Variants in ARB2A observed in about 807,000 individuals in gnomAD.
ARB2A encodes the protein cotranscriptional regulator ARB2A.
chr5:93,977,884 A>G, the ARB2A span, among the ~76,000 whole-genome samples: 4 of 152,200 alleles, frequency 2.6e-5, no homozygotes, highest in Admixed American at 6.5e-5. Flanking sequence ...AAGGATTAAT[A>G]TCTAGAATCT....
At chr5:93,806,260 T>C in the ARB2A span, among the ~76,000 whole-genome samples, 2 of 151,964 alleles carry the variant, frequency 1.3e-5, no homozygotes, top group Admixed American at 6.6e-5. Flanking sequence ...CTTAATACTT[T>C]TATATGCCTT....
chr5:93,775,714 T>C, the ARB2A span, among the ~76,000 whole-genome samples: 1 of 152,066 alleles, frequency 6.6e-6, no homozygotes, highest in African/African-American at 2.4e-5. Flanking sequence ...CCAGAGTCTA[T>C]CTAACACAAG....
chr5:93,760,674 G>T, the ARB2A span, among the ~76,000 whole-genome samples: 7 of 152,168 alleles, frequency 4.6e-5, no homozygotes, highest in African/African-American at 1.7e-4. Flanking sequence ...TTCAACAAAT[G>T]GTGCTGGGAT....
the ARB2A span, among the ~76,000 whole-genome samples, chr5:94,045,937 AAAG>A: frequency 1.3e-5 from 2 of 152,328 alleles, no homozygotes; most frequent in Admixed American, 1.3e-4. Flanking sequence ...AATGGGAAGA[AAAG>A]AAATCAGGAG....
the ARB2A span, among the ~76,000 whole-genome samples, chr5:93,717,857 C>T: frequency 2.9e-5 from 4 of 138,940 alleles, no homozygotes; most frequent in South Asian, 4.6e-4. Flanking sequence ...TTTTTTGAGA[C>T]GGAGTCTCGC....
At chr5:93,678,904 T>G in the ARB2A span, among the ~76,000 whole-genome samples, 1 of 152,124 alleles carries the variant, frequency 6.6e-6, no homozygotes, top group Non-Finnish European at 1.5e-5. Flanking sequence ...GAGGATTGTG[T>G]GTTGGTTTTC....
chr5:93,857,031 G>A, the ARB2A span, among the ~76,000 whole-genome samples: 2 of 152,214 alleles, frequency 1.3e-5, no homozygotes, highest in African/African-American at 4.8e-5. Context: ...GTCTGTTGGA[G>A]TTTGCTAGAG....
chr5:93,756,230 A>G, the ARB2A span, among the ~76,000 whole-genome samples: 1 of 152,208 alleles, frequency 6.6e-6, no homozygotes, highest in Non-Finnish European at 1.5e-5. Context: ...GACTTGTCCA[A>G]GGAGAGTCTG....
At chr5:93,725,484 A>T in the ARB2A span, among the ~76,000 whole-genome samples, 1 of 152,216 alleles carries the variant, frequency 6.6e-6, no homozygotes, top group African/African-American at 2.4e-5. Context: ...ATATAAACAT[A>T]ATTTATGCAT....
chr5:93,730,882 T>C, the ARB2A span, among the ~76,000 whole-genome samples: 1 of 152,226 alleles, frequency 6.6e-6, no homozygotes, highest in Non-Finnish European at 1.5e-5. Context: ...AAGAAGTTAC[T>C]GTAATTCTTC....
At chr5:93,981,608 C>G in the ARB2A span, among the ~76,000 whole-genome samples, 1 of 151,744 alleles carries the variant, frequency 6.6e-6, no homozygotes, top group Non-Finnish European at 1.5e-5. Flanking sequence ...GGAGATTTCT[C>G]AATCCCATAA....
chr5:93,931,611 T>C, the ARB2A span, among the ~76,000 whole-genome samples: 1 of 152,216 alleles, frequency 6.6e-6, no homozygotes, highest in Admixed American at 6.5e-5. Context: ...TCAGCCAATA[T>C]TTTTTCTAGT....
At chr5:93,791,183 G>A in the ARB2A span, among the ~76,000 whole-genome samples, 1 of 152,140 alleles carries the variant, frequency 6.6e-6, no homozygotes, top group Non-Finnish European at 1.5e-5. Context: ...TATTGTAAAG[G>A]AAATAATCAA....
At chr5:93,970,371 A>T in the ARB2A span, among the ~76,000 whole-genome samples, 1 of 152,160 alleles carries the variant, frequency 6.6e-6, no homozygotes, top group African/African-American at 2.4e-5. Flanking sequence ...GCCTCTTTCA[A>T]CCAAATAAAA....
chr5:94,035,839 C>T, the ARB2A span, among the ~76,000 whole-genome samples: 1 of 151,862 alleles, frequency 6.6e-6, no homozygotes, highest in African/African-American at 2.4e-5. Flanking sequence ...GAGAACATCA[C>T]AAACCAGGGC....
At chr5:93,972,690 A>C in the ARB2A span, among the ~76,000 whole-genome samples, 3 of 152,216 alleles carry the variant, frequency 2.0e-5, no homozygotes, top group African/African-American at 7.2e-5. Context: ...CTGAAATCCA[A>C]CATGAAGAAA....
chr5:93,634,860 C>T, the ARB2A span, among the ~76,000 whole-genome samples: 1 of 152,122 alleles, frequency 6.6e-6, no homozygotes, highest in Non-Finnish European at 1.5e-5. Flanking sequence ...ACTGCAACCC[C>T]ACATCCTGGG....
chr5:94,045,701 T>C, the ARB2A span, among the ~76,000 whole-genome samples: 5 of 152,210 alleles, frequency 3.3e-5, no homozygotes. Context: ...ACAAATATTG[T>C]CAGGACACAG....
At chr5:93,675,927 G>A in the ARB2A span, among the ~76,000 whole-genome samples, 13 of 152,152 alleles carry the variant, frequency 8.5e-5, no homozygotes, top group South Asian at 6.2e-4. Context: ...GCAAGCCATC[G>A]GAAAACTTAG....
Sources: allele counts gnomAD v4.1 joint callset (sites outside exome capture counted in the v4.1 genomes callset), GRCh38; gene constraint gnomAD v4.1.1; transcripts MANE v1.5; gene names NCBI Gene and HGNC (gene_info 2026-07-23, HGNC 2026-07-21).